Variants in LRRC4C observed in about 807,000 individuals in gnomAD.
The protein encoded by LRRC4C is leucine-rich repeat-containing protein 4C.
In LRRC4C, 5 loss-of-function variants were observed where a neutral mutation model predicts 33.6. The observed-to-expected ratio is 0.15, with a 90% CI of 0.08 to 0.31. The LOEUF (loss-of-function observed/expected upper bound fraction) is 0.31, where lower values mean the gene tolerates loss of function less well. LRRC4C is among the 10% of genes least tolerant of loss of function. The pLI is 1.00. For synonymous variants in LRRC4C, 329 were observed against 302.0 expected (o/e 1.09, Z -0.93); for missense variants, 560 against 796.7 (o/e 0.70, Z 3.58).
chr11:40,875,370 A>G (rs1039341430), intron 2 of LRRC4C, among the ~76,000 whole-genome samples: 1 of 152,166 alleles, frequency 6.6e-6, no homozygotes, highest in Non-Finnish European at 1.5e-5. Context: ...AGCAGAATGT[A>G]TGTTGTAATA....
intron 4 of LRRC4C, among the ~76,000 whole-genome samples, chr11:40,316,457 C>T (rs550421803): frequency 1.3e-5 from 2 of 152,030 alleles, no homozygotes; most frequent in Admixed American, 6.5e-5. Flanking sequence ...CTCAGTCCCT[C>T]TACTAGCAAA....
intron 2 of LRRC4C, among the ~76,000 whole-genome samples, chr11:40,730,488 A>T (rs1244685675): frequency 1.3e-5 from 2 of 152,198 alleles, no homozygotes; most frequent in African/African-American, 2.4e-5. Context: ...ACTGTGGAAG[A>T]CCTATAAACC....
chr11:40,369,983 A>AT (rs200842667), intron 3 of LRRC4C, among the ~76,000 whole-genome samples: 5 of 151,978 alleles, frequency 3.3e-5, no homozygotes, highest in African/African-American at 7.2e-5. Context: ...GGTTATTTCC[A>AT]TTTTTTTTGG....
intron 3 of LRRC4C, among the ~76,000 whole-genome samples, chr11:40,321,679 C>T (rs1365599789): frequency 6.6e-6 from 1 of 152,178 alleles, no homozygotes; most frequent in Non-Finnish European, 1.5e-5. Context: ...TGGGCCAGTA[C>T]ATATTCAATT....
intron 1 of LRRC4C, among the ~76,000 whole-genome samples, chr11:41,445,265 A>T (rs970155146): frequency 1.6e-4 from 24 of 152,192 alleles, no homozygotes; most frequent in Non-Finnish European, 2.6e-4. Flanking sequence ...CTCTCAAGAA[A>T]TATCTCATAA....
At chr11:40,130,122 G>A (rs1590455892) in intron 6 of LRRC4C, among the ~76,000 whole-genome samples, 1 of 152,254 alleles carries the variant, frequency 6.6e-6, no homozygotes, top group East Asian at 1.9e-4. Flanking sequence ...TTGGGGGTAT[G>A]TTTATGTTTT....
intron 2 of LRRC4C, among the ~76,000 whole-genome samples, chr11:40,834,491 C>T (rs986324631): frequency 1.3e-5 from 2 of 148,822 alleles, no homozygotes; most frequent in Non-Finnish European, 3.0e-5. Context: ...AAAAAAGTAA[C>T]GTATTTTATA....
chr11:40,761,978 G>A (rs1027805600), intron 2 of LRRC4C, among the ~76,000 whole-genome samples: 13 of 152,178 alleles, frequency 8.5e-5, no homozygotes, highest in African/African-American at 2.9e-4. Flanking sequence ...TTTTTCTGTA[G>A]GTTACCAATA....
chr11:40,380,830 C>T (rs148911899), intron 3 of LRRC4C, among the ~76,000 whole-genome samples: 1,641 of 152,218 alleles, frequency 0.011, 15 homozygotes, highest in South Asian at 0.02. Context: ...AGAAAGCATG[C>T]TATGAATTTA....
chr11:41,426,476 A>G (rs559330062), intron 1 of LRRC4C: 3 of 152,306 alleles, frequency 2.0e-5, no homozygotes, highest in African/African-American at 4.8e-5. Context: ...CCACAGCAGC[A>G]AACTGACAGC....
At chr11:40,719,085 A>G (rs920637443) in intron 2 of LRRC4C, among the ~76,000 whole-genome samples, 4 of 152,242 alleles carry the variant, frequency 2.6e-5, no homozygotes, top group African/African-American at 7.2e-5. Flanking sequence ...TGAAGTCTCT[A>G]GCATGAATCA....
chr11:40,716,314 A>T (rs1348900780), intron 2 of LRRC4C, among the ~76,000 whole-genome samples: 1 of 152,120 alleles, frequency 6.6e-6, no homozygotes, highest in Non-Finnish European at 1.5e-5. Context: ...TACACATGTT[A>T]TAAATATTCT....
At chr11:41,061,261 C>T (rs908218788) in intron 1 of LRRC4C, among the ~76,000 whole-genome samples, 4 of 152,070 alleles carry the variant, frequency 2.6e-5, no homozygotes. Flanking sequence ...TAGGAACTTA[C>T]TCTTATTGAT....
At chr11:40,307,480 C>G (rs924985510) in intron 4 of LRRC4C, among the ~76,000 whole-genome samples, 14 of 152,214 alleles carry the variant, frequency 9.2e-5, no homozygotes, top group Non-Finnish European at 1.9e-4. Context: ...CTCTAAAATT[C>G]TTTTTCCTAG....
At chr11:41,028,862 G>C (rs73468564) in intron 1 of LRRC4C, among the ~76,000 whole-genome samples, 33 of 151,722 alleles carry the variant, frequency 2.2e-4, no homozygotes, top group African/African-American at 7.0e-4. Flanking sequence ...TATTTTATGG[G>C]ATGAAGAAGA....
At chr11:41,415,976 C>CCT (rs1444204152) in intron 1 of LRRC4C, among the ~76,000 whole-genome samples, 20 of 151,680 alleles carry the variant, frequency 1.3e-4, no homozygotes, top group Admixed American at 1.1e-3. Context: ...CCAGGTTTCT[C>CCT]CTCTCTCTCT....
chr11:40,515,738 T>TCTGCAC (rs1955534580), intron 3 of LRRC4C, among the ~76,000 whole-genome samples: 1 of 152,100 alleles, frequency 6.6e-6, no homozygotes, highest in African/African-American at 2.4e-5. Flanking sequence ...TTCCAACAAT[T>TCTGCAC]ATTAAAAATC....
intron 5 of LRRC4C, among the ~76,000 whole-genome samples, chr11:40,200,180 T>TAAAAAAAAAAAAAAAAAAAAAAAAAAAAA (rs56269292): frequency 3.8e-5 from 1 of 26,030 alleles, no homozygotes; most frequent in African/African-American, 1.4e-4. Flanking sequence ...CTGTCTCCAC[T>TAAAAAAAAAAAAAAAAAAAAAAAAAAAAA]AAAAAAAAAA....
At chr11:40,832,911 T>G (rs1013343561) in intron 2 of LRRC4C, among the ~76,000 whole-genome samples, 1 of 152,130 alleles carries the variant, frequency 6.6e-6, no homozygotes, top group Non-Finnish European at 1.5e-5. Context: ...ATCAAGGCAG[T>G]GTGTTTTGGT....
Sources: allele counts gnomAD v4.1 joint callset (sites outside exome capture counted in the v4.1 genomes callset), GRCh38; gene constraint gnomAD v4.1.1; transcripts MANE v1.5; gene names NCBI Gene and HGNC (gene_info 2026-07-23, HGNC 2026-07-21).